ANO3: variants seen among roughly 807,000 people sequenced by gnomAD.
The protein encoded by ANO3 is anoctamin 3.
Under a neutral mutation model 144.8 loss-of-function variants are expected in ANO3, and 99 were observed. The observed-to-expected ratio is 0.68, with a 90% CI of 0.58 to 0.81. ANO3 has a LOEUF of 0.81. Ranked by LOEUF, ANO3 falls within the 30% of genes least tolerant of loss-of-function variation. ANO3 has a pLI of 0.00. For missense variants in ANO3, 905 were observed against 1,202.2 expected, an observed-to-expected ratio of 0.75 and a Z score of 3.66; for synonymous variants, 414 against 392.6, an observed-to-expected ratio of 1.05 and a Z score of -0.64.
At chr11:26,451,200 G>C (rs1346859418) in intron 3 of ANO3, among the ~76,000 whole-genome samples, 1 of 152,194 alleles carries the variant, frequency 6.6e-6, no homozygotes, top group Non-Finnish European at 1.5e-5. Context: ...GAGGTACCGG[G>C]TTCATCTCAC....
chr11:26,320,578 A>G (rs564201374), intron 1 of ANO3, among the ~76,000 whole-genome samples: 2 of 152,180 alleles, frequency 1.3e-5, no homozygotes, highest in Non-Finnish European at 2.9e-5. Flanking sequence ...TTCCTATTGT[A>G]TTTGCAATTT....
chr11:26,599,840 A>G (rs1286114339), intron 17 of ANO3, 126 bp downstream of exon 17: 3 of 755,280 alleles, frequency 4.0e-6, no homozygotes, highest in African/African-American at 3.5e-5. Context: ...CATTTCTGTC[A>G]ATGACAATTC....
intron 14 of ANO3, chr11:26,565,793 A>G (rs758104503): frequency 1.2e-6 from 2 of 1,613,194 alleles, no homozygotes; most frequent in Admixed American, 3.3e-5. Flanking sequence ...TTTCTTTTCC[A>G]TGGCTCCCCG....
rs543323970 is a variant in ANO3 at position 26,315,588 on chromosome 11, GT to G, written c.-3+5872del. Among the ~76,000 whole-genome samples, 1,234 of 151,448 alleles carry G rather than the reference GT, an allele frequency of 8.1e-3. 15 individuals carry two copies. The highest frequency in any genetic ancestry group is 0.027 in the African/African-American group (1,134 of 41,330). ...TTGATCGTTGACAAGTGGGAATAAA[GT>G]TTCACTTTTAAGAGATATTCTCTTT... On this transcript the variant is annotated intron_variant, in intron 1 of 26. Transcript: ENST00000525139.
rs766575700 is a variant in ANO3, at chr11:26,463,137, A to G, written c.421A>G (p.Lys141Glu). 1.9e-5 allele frequency: 30 copies of G among 1,539,686 alleles called. No homozygotes were observed. The highest frequency in any genetic ancestry group is 2.6e-5 in the Non-Finnish European group (29 of 1,124,314). ...CAAAGATAAATCTGAATTCAAGACA[A>G]AATTATCTAAGGTAATGAGAACTAA... ...VIKDKSEFKTKLSKNDMNYIA... is the reference protein window; with the variant it reads ...VIKDKSEFKTELSKNDMNYIA... Residue 141 changes from lysine (K) to glutamate (E), a missense_variant, in exon 4 of 27, where the codon AAA becomes GAA. Around this residue, in one of 4 missense-constraint regions of ANO3, gnomAD observed 174 missense variants for 171.9 expected, o/e 1.01. Coordinates refer to ENST00000256737, the MANE Select transcript of ANO3 (RefSeq NM_031418.4).
intron 24 of ANO3, among the ~76,000 whole-genome samples, chr11:26,649,718 CAG>C (rs1224501666): frequency 1.4e-5 from 2 of 146,936 alleles, no homozygotes; most frequent in South Asian, 2.3e-4. Context: ...GCCTGGACGA[CAG>C]GGCAAAATTT....
intron 18 of ANO3, among the ~76,000 whole-genome samples, chr11:26,625,120 T>C (rs1184368491): frequency 1.3e-5 from 2 of 152,132 alleles, no homozygotes; most frequent in Admixed American, 1.3e-4. Context: ...AGAGACGGGG[T>C]TTCACCGTGT....
At chr11:26,631,268 T>C (rs1478210717) in intron 18 of ANO3, among the ~76,000 whole-genome samples, 1 of 152,112 alleles carries the variant, frequency 6.6e-6, no homozygotes, top group Non-Finnish European at 1.5e-5. Flanking sequence ...TTATTGAAGA[T>C]TTGAAAACAT....
intron 11 of ANO3, 105 bp downstream of exon 11, chr11:26,542,173 A>G (rs888179371): frequency 3.0e-5 from 39 of 1,284,064 alleles, no homozygotes; most frequent in Non-Finnish European, 4.0e-5. Context: ...GCAGTCTACA[A>G]AAAAGCAACC....
At chr11:26,506,303 T>G (rs116889939) in intron 4 of ANO3, among the ~76,000 whole-genome samples, 3,349 of 152,278 alleles carry the variant, frequency 0.022, 61 homozygotes, top group Non-Finnish European at 0.035. Context: ...AGCTAAGGTA[T>G]CAACTTGGTC....
intron 1 of ANO3, among the ~76,000 whole-genome samples, chr11:26,333,443 A>G (rs1352729604): frequency 1.3e-5 from 2 of 151,920 alleles, no homozygotes; most frequent in South Asian, 4.1e-4. Flanking sequence ...CACCAAGCCC[A>G]GCTAATTTTT....
At chr11:26,364,884 G>A (rs1204040358) in intron 1 of ANO3, among the ~76,000 whole-genome samples, 4 of 152,034 alleles carry the variant, frequency 2.6e-5, no homozygotes, top group Admixed American at 2.6e-4. Flanking sequence ...CTCTCCCATT[G>A]CGAAATACAA....
At chr11:26,617,590 T>C (rs1852296825) in intron 17 of ANO3, among the ~76,000 whole-genome samples, 1 of 152,192 alleles carries the variant, frequency 6.6e-6, no homozygotes, top group South Asian at 2.1e-4. Context: ...ACCTCCTGTT[T>C]TTCTAAATAT....
chr11:26,639,500 T>C (rs374500593), intron 21 of ANO3, among the ~76,000 whole-genome samples: 2 of 152,216 alleles, frequency 1.3e-5, no homozygotes, highest in East Asian at 1.9e-4. Context: ...GAGTAACTTG[T>C]TTAATGCATT....
At chr11:26,567,639 T>G (rs1355477180) in intron 14 of ANO3, among the ~76,000 whole-genome samples, 2 of 151,954 alleles carry the variant, frequency 1.3e-5, no homozygotes, top group Non-Finnish European at 2.9e-5. Flanking sequence ...ATCATATACT[T>G]CTAGAATTTT....
chr11:26,578,051 C>A (rs535217400), intron 14 of ANO3, among the ~76,000 whole-genome samples: 1 of 152,082 alleles, frequency 6.6e-6, no homozygotes, highest in South Asian at 2.1e-4. Flanking sequence ...TGAGTGAGAC[C>A]GAGTAGGAGA....
At chr11:26,460,457 A>AAGGAAGGAAGGAAGGG (rs1859353162) in intron 3 of ANO3, among the ~76,000 whole-genome samples, 1 of 149,896 alleles carries the variant, frequency 6.7e-6, no homozygotes, top group East Asian at 2.0e-4. Flanking sequence ...AGAAGGAAAG[A>AAGGAAGGAAGGAAGGG]AGGAAGGAAG....
intron 1 of ANO3, among the ~76,000 whole-genome samples, chr11:26,391,196 C>T (rs1856869292): frequency 6.6e-6 from 1 of 152,066 alleles, no homozygotes; most frequent in Non-Finnish European, 1.5e-5. Flanking sequence ...CTTGTAGGAA[C>T]TCTCTGCAGA....
intron 1 of ANO3, among the ~76,000 whole-genome samples, chr11:26,387,695 G>T (rs1856771893): frequency 1.3e-5 from 2 of 151,998 alleles, no homozygotes; most frequent in African/African-American, 2.4e-5. Context: ...CTCTTTCCTT[G>T]TGTCTTTGGG....
Sources: allele counts gnomAD v4.1 joint callset (sites outside exome capture counted in the v4.1 genomes callset), GRCh38; gene constraint gnomAD v4.1.1; regional missense constraint gnomAD v4.1.1; transcripts MANE v1.5; gene names NCBI Gene and HGNC (gene_info 2026-07-23, HGNC 2026-07-21).